The following EFHC2 variants were observed in gnomAD, a reference collection of about 807,000 sequenced individuals.
The protein encoded by EFHC2 is EF-hand domain-containing family member C2.
In EFHC2, 18 loss-of-function variants were observed where a neutral mutation model predicts 52.7. The observed-to-expected ratio is 0.34, with a 90% CI of 0.24 to 0.51. EFHC2 has a LOEUF of 0.51. EFHC2 is among the 20% of genes least tolerant of loss of function. The pLI is 0.97. For synonymous variants in EFHC2, 203 were observed against 204.1 expected (o/e 0.99, Z 0.04); for missense variants, 513 against 562.5 (o/e 0.91, Z 0.89).
At chrX:44,193,146 A>G (rs952907844) in intron 11 of EFHC2, among the ~76,000 whole-genome samples, 1 of 111,206 alleles carries the variant, frequency 9.0e-6, no homozygotes, top group African/African-American at 3.3e-5. Flanking sequence ...ACAACCCCTT[A>G]TAATGACACA....
intron 4 of EFHC2, among the ~76,000 whole-genome samples, chrX:44,252,882 C>T (rs2037462298): frequency 2.7e-5 from 3 of 111,656 alleles, no homozygotes; most frequent in South Asian, 7.7e-4. Context: ...CAGCTCCCAG[C>T]GAGATCAATG....
chrX:44,339,454 C>T (rs1336206882), intron 1 of EFHC2, among the ~76,000 whole-genome samples: 1 of 111,136 alleles, frequency 9.0e-6, no homozygotes, highest in African/African-American at 3.3e-5. Context: ...AGGTTTTCAA[C>T]TCATATCAAA....
At chrX:44,196,099 T>G (rs2036964148) in intron 11 of EFHC2, among the ~76,000 whole-genome samples, 1 of 111,613 alleles carries the variant, frequency 9.0e-6, no homozygotes, top group African/African-American at 3.3e-5. Context: ...ATATTTCTAG[T>G]AGAGATGGGG....
intron 2 of EFHC2, among the ~76,000 whole-genome samples, chrX:44,308,913 GTTTA>G (rs1181935273): frequency 8.9e-6 from 1 of 112,545 alleles, no homozygotes; most frequent in East Asian, 2.8e-4. Context: ...TACAAACAAT[GTTTA>G]TTTGTTTGTA....
chrX:44,242,610 T>C (rs1232015773), intron 7 of EFHC2, among the ~76,000 whole-genome samples: 2 of 111,533 alleles, frequency 1.8e-5, no homozygotes, highest in Non-Finnish European at 3.8e-5. Context: ...TTTCCAATAA[T>C]ATGAAAATTC....
At chrX:44,296,695 G>A (rs1339464214) in intron 2 of EFHC2, among the ~76,000 whole-genome samples, 2 of 111,789 alleles carry the variant, frequency 1.8e-5, no homozygotes, top group Admixed American at 1.9e-4. Flanking sequence ...AATTTAAAAG[G>A]TAGTTATTTA....
At chrX:44,175,871 C>G (rs767347532) in intron 13 of EFHC2, among the ~76,000 whole-genome samples, 27 of 111,547 alleles carry the variant, frequency 2.4e-4, no homozygotes, top group Non-Finnish European at 3.8e-5. Flanking sequence ...ATCATAATCT[C>G]TATGTTTTAC....
intron 2 of EFHC2, among the ~76,000 whole-genome samples, chrX:44,294,000 C>A (rs777170956): frequency 1.8e-5 from 2 of 112,234 alleles, no homozygotes; most frequent in African/African-American, 3.2e-5. Context: ...GTTGGCATAT[C>A]CAGCCTGCAC....
Position 44,336,352 on chromosome X carries a change from ACTC to A in EFHC2, c.42+7192_42+7194del, listed in dbSNP as rs757302053. ...CAGTGAGCCAAGATCGCGCCACTACACTCCCCTGGGCGACAGAGTGAGACTCAG... is the reference window on the plus strand; with the variant it reads ...CAGTGAGCCAAGATCGCGCCACTACACCCTGGGCGACAGAGTGAGACTCAG... On this transcript the variant is annotated intron_variant, in intron 1 of 14. Transcript: ENST00000420999. Among the ~76,000 whole-genome samples the A allele has an allele frequency of 6.5e-3, 700 of 106,908 alleles. 7 individuals are homozygous for A. Among genetic ancestry groups the A allele is most frequent in the African/African-American group, 0.023 (661 of 29,220 alleles). The allele number at this position is 106,908 out of a possible 115,157, so 92.8% of individuals were successfully genotyped here.
At chrX:44,267,441 G>A (rs1312423632) in intron 3 of EFHC2, among the ~76,000 whole-genome samples, 1 of 111,620 alleles carries the variant, frequency 9.0e-6, no homozygotes, top group Non-Finnish European at 1.9e-5. Context: ...ATTAGAAGCT[G>A]CATGAATGCC....
intron 11 of EFHC2, among the ~76,000 whole-genome samples, chrX:44,188,631 C>T (rs1435233399): frequency 9.0e-6 from 1 of 111,027 alleles, no homozygotes; most frequent in Admixed American, 9.6e-5. Context: ...CCAAAAGCTC[C>T]GAGAAAGTAC....
At chrX:44,174,459 C>A (rs2036769346) in intron 13 of EFHC2, among the ~76,000 whole-genome samples, 2 of 110,720 alleles carry the variant, frequency 1.8e-5, no homozygotes, top group Non-Finnish European at 3.8e-5. Flanking sequence ...TAAAGAGACA[C>A]ATAAATAGCA....
intron 4 of EFHC2, among the ~76,000 whole-genome samples, chrX:44,252,121 G>T (rs1371746398): frequency 9.0e-6 from 1 of 111,587 alleles, no homozygotes; most frequent in Non-Finnish European, 1.9e-5. Context: ...ACAGCAAATG[G>T]AGAAGGTCTT....
At chrX:44,327,483 A>T (rs2038060081) in intron 1 of EFHC2, among the ~76,000 whole-genome samples, 1 of 112,130 alleles carries the variant, frequency 8.9e-6, no homozygotes, top group East Asian at 2.8e-4. Context: ...GAATTATCTA[A>T]AACTATCATT....
At chrX:44,176,775 A>T (rs950447316) in intron 12 of EFHC2, among the ~76,000 whole-genome samples, 6 of 112,341 alleles carry the variant, frequency 5.3e-5, no homozygotes, top group Non-Finnish European at 1.1e-4. Flanking sequence ...CAACACAAGT[A>T]TGATATGACT....
At chrX:44,243,859 ACT>A (rs1477633182) in intron 7 of EFHC2, among the ~76,000 whole-genome samples, 16 of 111,710 alleles carry the variant, frequency 1.4e-4, no homozygotes, top group African/African-American at 5.2e-4. Context: ...ATTGCAGTAG[ACT>A]CTATCATTGC....
intron 11 of EFHC2, among the ~76,000 whole-genome samples, chrX:44,184,002 T>C (rs775451178): frequency 3.6e-5 from 4 of 112,401 alleles, no homozygotes; most frequent in African/African-American, 1.3e-4. Flanking sequence ...TCCTTATCTG[T>C]GAAATGGGAC....
intron 8 of EFHC2, among the ~76,000 whole-genome samples, chrX:44,235,950 C>A (rs2037316895): frequency 9.0e-6 from 1 of 111,666 alleles, no homozygotes; most frequent in Non-Finnish European, 1.9e-5. Context: ...CCCAGCAACC[C>A]CCCAACTTCC....
intron 13 of EFHC2, among the ~76,000 whole-genome samples, chrX:44,170,632 A>C (rs767076982): frequency 2.4e-4 from 26 of 110,481 alleles, no homozygotes; most frequent in African/African-American, 8.6e-4. Flanking sequence ...AATCTGGAAA[A>C]GCCTATGAAT....
Sources: allele counts gnomAD v4.1 joint callset (sites outside exome capture counted in the v4.1 genomes callset), GRCh38; gene constraint gnomAD v4.1.1; transcripts MANE v1.5; gene names NCBI Gene and HGNC (gene_info 2026-07-23, HGNC 2026-07-21).